The following NCOR2 variants were observed in gnomAD, a reference collection of about 807,000 sequenced individuals.
NCOR2 encodes nuclear receptor corepressor 2.
Under a neutral mutation model 262.9 loss-of-function variants are expected in NCOR2, and 81 were observed. That is an observed-to-expected ratio of 0.31 (90% CI 0.26 to 0.37). The LOEUF (loss-of-function observed/expected upper bound fraction) is 0.37. Ranked by LOEUF, NCOR2 falls within the 10% of genes least tolerant of loss-of-function variation. The pLI is 1.00. For missense variants in NCOR2, 3,385 were observed against 3,621.4 expected (o/e 0.93, Z 1.68); for synonymous variants, 1,659 against 1,559.3 (o/e 1.06, Z -1.51).
intron 15 of NCOR2, among the ~76,000 whole-genome samples, chr12:124,400,200 C>G (rs1002008007): frequency 6.6e-5 from 10 of 152,174 alleles, no homozygotes; most frequent in African/African-American, 2.4e-4. Flanking sequence ...TTCCTACACC[C>G]CAGGCACTGT....
Position 124,566,147 on chromosome 12 carries a change from C to G in NCOR2, c.-165+1161G>C, listed in dbSNP as rs1461064842. On this transcript the variant is annotated intron_variant, in intron 1 of 32. Coordinates refer to the NCOR2 transcript ENST00000458234. The surrounding 1 kb of genome is among the most constrained non-coding windows in gnomAD (Gnocchi z 4.3). ...CTCCCCTCTTCCCTCCCTCACACAT[C>G]CTTCCTCCAAATCTGCAAAAAGGGA... Among the ~76,000 whole-genome samples the G allele has an allele frequency of 1.3e-5, 2 of 152,020 alleles. No homozygotes were observed. Among genetic ancestry groups the G allele is most frequent in the South Asian group, 2.1e-4 (1 of 4,812 alleles).
chr12:124,348,163 CCTG>C lies in NCOR2; in HGVS notation c.3985+8_3985+10del. On this transcript the variant is annotated splice_region_variant and intron_variant, in intron 29 of 46. Transcript: ENST00000405201. ...GGGCACCGAGAGATGAAGTCTCCTC[CCTG>C]CTATCACCTTCGATGCTGGCTGAGG... 6.2e-7 allele frequency: 1 copy of C among 1,609,176 alleles called. No individual in the cohort carries two copies. The highest frequency in any genetic ancestry group is 8.5e-7 in the Non-Finnish European group (1 of 1,180,012).
chr12:124,332,985 T>TGAAAC, intron 42 of NCOR2, 145 bp downstream of exon 44: 1 of 1,132,496 alleles, frequency 8.8e-7, no homozygotes, highest in Non-Finnish European at 1.2e-6. Context: ...CCCAAGTTGG[T>TGAAAC]GAAACCTGCT....
Position 124,454,574 on chromosome 12 carries a change from CA to C in NCOR2, c.762+2531del, listed in dbSNP as rs2045733842. On this transcript the variant is annotated intron_variant, in intron 6 of 46. Transcript: ENST00000405201. The surrounding 1 kb of genome is among the most constrained non-coding windows in gnomAD (Gnocchi z 5.6). ...TTTCCCCCAGGAGGCCCCCGGGGACCAATCAGGAAACGGGAGCGGGAGGACC... is the reference window on the plus strand; with the variant it reads ...TTTCCCCCAGGAGGCCCCCGGGGACCATCAGGAAACGGGAGCGGGAGGACC... Among the ~76,000 whole-genome samples the C allele has an allele frequency of 6.6e-6, 1 of 152,158 alleles. No homozygotes were observed. The highest frequency in any genetic ancestry group is 6.5e-5 in the Admixed American group (1 of 15,276).
At chr12:124,329,440 G>A (rs1275246810) in intron 44 of NCOR2, among the ~76,000 whole-genome samples, 2 of 152,112 alleles carry the variant, frequency 1.3e-5, no homozygotes, top group African/African-American at 2.4e-5. Flanking sequence ...CAGCCTGGGC[G>A]ACAGAGCAAG....
intron 1 of NCOR2, among the ~76,000 whole-genome samples, chr12:124,565,259 T>A (rs2052198572): frequency 6.6e-6 from 1 of 152,102 alleles, no homozygotes; most frequent in South Asian, 2.1e-4. Context: ...CGCCCCCATG[T>A]CTGGGCACCG....
chr12:124,488,038 G>GT (rs2136840923), intron 1 of NCOR2, among the ~76,000 whole-genome samples: 1 of 152,336 alleles, frequency 6.6e-6, no homozygotes, highest in Admixed American at 6.5e-5. Flanking sequence ...GCTTTAGAGA[G>GT]TGGGATTACA....
intron 1 of NCOR2, among the ~76,000 whole-genome samples, chr12:124,520,528 G>C (rs1373500089): frequency 6.6e-6 from 1 of 152,138 alleles, no homozygotes; most frequent in Non-Finnish European, 1.5e-5. Flanking sequence ...GTGTGCTATG[G>C]GCAGGTTTGA....
chr12:124,351,682 T>A (rs1034673913), intron 27 of NCOR2, among the ~76,000 whole-genome samples: 2 of 152,208 alleles, frequency 1.3e-5, no homozygotes, highest in African/African-American at 4.8e-5. Context: ...AAGCAGAATG[T>A]TGGGTGTCAA....
rs186438195 is a variant in NCOR2, at chr12:124,420,075, G to A, written c.1384-20C>T. ...CACTGTCTGTGGGACAGAGAAAGAG[G>A]ACGCTGAGCAGGGTACAGCACAGGC... On this transcript the variant is annotated intron_variant, in intron 12 of 46. Transcript: ENST00000405201. 6.0e-5 allele frequency: 96 copies of A among 1,599,670 alleles called. No homozygotes were observed. The Admixed American group carries it at 1.3e-3, about 21-fold the overall frequency.
At chr12:124,489,313 C>T (rs932456554) in intron 1 of NCOR2, among the ~76,000 whole-genome samples, 1 of 152,192 alleles carries the variant, frequency 6.6e-6, no homozygotes, top group African/African-American at 2.4e-5. Flanking sequence ...TGCAGCTAAA[C>T]GCTCTAAATA....
chr12:124,424,970 G>A (rs1164888207), intron 11 of NCOR2, among the ~76,000 whole-genome samples: 1 of 152,234 alleles, frequency 6.6e-6, no homozygotes, highest in African/African-American at 2.4e-5. Flanking sequence ...AGGGAACCCA[G>A]CCCTCTACGT....
intron 9 of NCOR2, among the ~76,000 whole-genome samples, chr12:124,430,366 G>A (rs1423790699): frequency 3.3e-5 from 5 of 152,326 alleles, no homozygotes; most frequent in African/African-American, 7.2e-5. Context: ...AGAAATGAGT[G>A]AAGCTGGCAG....
chr12:124,560,272 C>T (rs537685217), intron 1 of NCOR2, among the ~76,000 whole-genome samples: 21 of 152,366 alleles, frequency 1.4e-4, no homozygotes, highest in African/African-American at 4.8e-4. Flanking sequence ...CACAACTACT[C>T]AACTTTGCAA....
At position 124,460,286 on chromosome 12, in the gene NCOR2, C is replaced by A. The variant is rs148132142; in HGVS notation, c.706-3124G>T. 2.5e-4 allele frequency among the ~76,000 whole-genome samples: 38 copies of A among 152,342 alleles called. No individual in the cohort carries two copies. In the East Asian group the frequency reaches 6.6e-3, roughly 26 times the overall value. On this transcript the variant is annotated intron_variant, in intron 5 of 46. Coordinates refer to ENST00000405201, the Ensembl canonical transcript of NCOR2. ...GGTCTAAATACCTGGAAATGGAGTGCGGCTGGCTCCCTCGCTCAGGCGGTC... is the reference window on the plus strand; with the variant it reads ...GGTCTAAATACCTGGAAATGGAGTGAGGCTGGCTCCCTCGCTCAGGCGGTC...
At chr12:124,428,950 C>T (rs1031376406) in intron 10 of NCOR2, among the ~76,000 whole-genome samples, 2 of 152,206 alleles carry the variant, frequency 1.3e-5, no homozygotes, top group East Asian at 1.9e-4. Context: ...AACAGGCTGA[C>T]ACCAACTTCC....
intron 5 of NCOR2, among the ~76,000 whole-genome samples, chr12:124,458,902 C>A (rs1301746320): frequency 6.6e-6 from 1 of 152,100 alleles, no homozygotes; most frequent in Non-Finnish European, 1.5e-5. Flanking sequence ...GATGGGAGAA[C>A]CCCTAAGCCA....
intron 5 of NCOR2, among the ~76,000 whole-genome samples, chr12:124,464,258 A>T (rs1227107029): frequency 6.6e-6 from 1 of 152,184 alleles, no homozygotes; most frequent in Non-Finnish European, 1.5e-5. Flanking sequence ...TTGCAAGGAG[A>T]GGAGCTCCAG....
intron 22 of NCOR2, 164 bp from the exon 25 acceptor site, chr12:124,356,946 G>A (rs371751300): frequency 4.8e-6 from 4 of 836,342 alleles, no homozygotes; most frequent in Non-Finnish European, 6.7e-6. Flanking sequence ...CTGCCTGGGC[G>A]CTGCTCTGTA....
Sources: allele counts gnomAD v4.1 joint callset (sites outside exome capture counted in the v4.1 genomes callset), GRCh38; gene constraint gnomAD v4.1.1; non-coding constraint Gnocchi (gnomAD v3.1); transcripts MANE v1.5; gene names NCBI Gene and HGNC (gene_info 2026-07-23, HGNC 2026-07-21).